Variants in CYLD observed in about 807,000 individuals in gnomAD.
CYLD encodes CYLD lysine 63 deubiquitinase, also known as ubiquitin carboxyl-terminal hydrolase CYLD.
In CYLD, 26 loss-of-function variants were observed where a neutral mutation model predicts 104.5. The ratio of observed to expected loss-of-function variants is 0.25; its 90% CI spans 0.18 to 0.35. CYLD has a LOEUF of 0.35. CYLD is among the 10% of genes least tolerant of loss of function. The probability of loss-of-function intolerance (pLI) is 1.00; values close to 1 mark genes in which losing one functional copy is unlikely to be tolerated. For synonymous variants in CYLD, 385 were observed against 399.9 expected (o/e 0.96, Z 0.45); for missense variants, 703 against 1,136.1 (o/e 0.62, Z 5.48).
rs1289227154 is a variant in CYLD, at chr16:50,796,799, T to C, written c.*291T>C. On this transcript the variant is annotated 3_prime_UTR_variant, in exon 19 of 19. Transcript: ENST00000427738. ...TAAGTGCATTGATCATATGATATTT[T>C]TGGAAGCATACAATTTTAATTGTGG... The C allele has an allele frequency of 7.2e-6, 3 of 414,130 alleles. No individual in the cohort carries two copies. The highest frequency in any genetic ancestry group is 1.3e-5 in the Non-Finnish European group (3 of 224,018). The allele number at this position is 414,130 out of a possible 1,614,324, so 25.7% of individuals were successfully genotyped here. A position where few individuals can be genotyped will look rare whatever the true frequency, so the allele number is the denominator to read the frequency against.
At chr16:50,793,266 T>C (rs558612110) in intron 16 of CYLD, among the ~76,000 whole-genome samples, 220 of 152,332 alleles carry the variant, frequency 1.4e-3, no homozygotes, top group Middle Eastern at 6.8e-3. Context: ...TTCTCCATTA[T>C]ACTTTCTTGT....
At position 50,749,517 on chromosome 16, in the gene CYLD, A is replaced by G. The variant is rs7187352; in HGVS notation, c.-123-59A>G. 0.019 allele frequency: 11,689 copies of G among 622,130 alleles called. 911 individuals are homozygous for G. The highest frequency in any genetic ancestry group is 0.18 in the African/African-American group (9,831 of 54,310). The allele number at this position is 622,130 out of a possible 1,614,324, so 38.5% of individuals were successfully genotyped here. A position where few individuals can be genotyped will look rare whatever the true frequency, so the allele number is the denominator to read the frequency against. ...TCTTAATTTTCAGTCATGTAGAATG[A>G]AGTCTAAAGTTTATTTTTGCTTTTT... On this transcript the variant is annotated intron_variant, in intron 2 of 18. Coordinates refer to ENST00000427738, the MANE Select transcript of CYLD (RefSeq NM_001378743.1).
At chr16:50,776,360 C>A in intron 7 of CYLD, 83 bp downstream of exon 7, 1 of 988,862 alleles carries the variant, frequency 1.0e-6, no homozygotes, top group Non-Finnish European at 1.6e-6. Context: ...TAAGCTATTA[C>A]TTCTGAACAT....
chr16:50,765,456 C>T (rs1439836476), intron 5 of CYLD, among the ~76,000 whole-genome samples: 1 of 152,160 alleles, frequency 6.6e-6, no homozygotes, highest in Non-Finnish European at 1.5e-5. Context: ...CTCCTTGGGC[C>T]TCCCTATTTC....
intron 5 of CYLD, among the ~76,000 whole-genome samples, chr16:50,760,350 A>T (rs188185389): frequency 1.6e-4 from 24 of 152,162 alleles, no homozygotes; most frequent in Admixed American, 1.5e-3. Flanking sequence ...TCATTCATGT[A>T]TCTCAAATCA....
At position 50,796,586 on chromosome 16, in the gene CYLD, C is replaced by T. The variant is rs1972070786; in HGVS notation, c.*78C>T. 1 of 1,446,480 alleles carries T rather than the reference C, an allele frequency of 6.9e-7. No individual in the cohort carries two copies. The allele number at this position is 1,446,480 out of a possible 1,614,324, so 89.6% of individuals were successfully genotyped here. On this transcript the variant is annotated 3_prime_UTR_variant, in exon 19 of 19. Coordinates refer to ENST00000427738, the MANE Select transcript of CYLD (RefSeq NM_001378743.1). The stretch of plus-strand genomic sequence containing the variant: ...TCTTATTCGAGCTGGCAGTTCTGTT[C>T]ACGTCCATTGCCGGCAATGGATGTC...
rs536028311 is a variant in CYLD at position 50,801,515 on chromosome 16, A to T, written c.*5007A>T. On this transcript the variant is annotated 3_prime_UTR_variant, in exon 19 of 19. Coordinates refer to ENST00000427738, the MANE Select transcript of CYLD (RefSeq NM_001378743.1). ...ACTTAAAAAATTCTAGAGGGATTAT[A>T]TTGGAGACTCAACTGCCCTTGGTTT... The T allele has an allele frequency of 2.1e-5, 5 of 233,846 alleles. No homozygotes were observed. In the East Asian group the frequency reaches 3.0e-4, roughly 14 times the overall value. The allele number at this position is 233,846 out of a possible 1,614,324, so 14.5% of individuals were successfully genotyped here.
intron 5 of CYLD, among the ~76,000 whole-genome samples, chr16:50,761,070 G>A (rs575982395): frequency 3.9e-5 from 6 of 152,206 alleles, no homozygotes; most frequent in East Asian, 1.9e-4. Flanking sequence ...ATATGATTAA[G>A]GGCAATTTTT....
intron 11 of CYLD, 54 bp downstream of exon 11, chr16:50,782,520 A>C: frequency 6.3e-7 from 1 of 1,586,650 alleles, no homozygotes; most frequent in Non-Finnish European, 8.7e-7. Context: ...GCAGGGACAC[A>C]TACCGGTGTG....
chr16:50,754,128 G>T (rs1297644063), intron 4 of CYLD, among the ~76,000 whole-genome samples, 191 bp from the exon 5 acceptor site: 1 of 152,054 alleles, frequency 6.6e-6, no homozygotes, highest in Non-Finnish European at 1.5e-5. Context: ...AGAAAAAAAT[G>T]AACAAACCAA....
At chr16:50,777,706 C>T (rs1969825529) in intron 7 of CYLD, 119 bp from the exon 8 acceptor site, 3 of 671,074 alleles carry the variant, frequency 4.5e-6, no homozygotes, top group Non-Finnish European at 8.1e-6. Context: ...TGTTTATATA[C>T]ATTTATTGGT....
chr16:50,787,403 A>G (rs1457334448), intron 13 of CYLD: 2 of 268,164 alleles, frequency 7.5e-6, no homozygotes, highest in East Asian at 1.9e-4. Flanking sequence ...TCACCACCTG[A>G]CTTTGAATTT....
chr16:50,780,622 T>C (rs1970127737), intron 9 of CYLD, among the ~76,000 whole-genome samples: 1 of 152,138 alleles, frequency 6.6e-6, no homozygotes, highest in African/African-American at 2.4e-5. Context: ...GGGCTCAAGC[T>C]ATTCTCCTGC....
chr16:50,754,408 C>T lies in CYLD; in HGVS notation c.897C>T (p.Ile299=). The T allele has an allele frequency of 6.2e-7, 1 of 1,605,106 alleles. No individual in the cohort carries two copies. The highest frequency in any genetic ancestry group is 8.5e-7 in the Non-Finnish European group (1 of 1,172,336). The change falls in exon 5 of 19, where the codon ATC becomes ATT. Residue 299 remains isoleucine, a synonymous_variant. Coordinates refer to ENST00000427738, the MANE Select transcript of CYLD (RefSeq NM_001378743.1). ...TTGAAAGTACAATTCTATTGCACAT[C>T]AATGATATCATCCCAGGTATGTTTT... is the stretch of plus-strand genomic sequence containing the variant. ...ACVESTILLH[I]NDIIPALSES... is the part of the protein sequence containing the mutation.
rs545496168 is a variant in CYLD, at chr16:50,778,857, A to T, written c.1139-808A>T. ...TAGGATTCCTGTTTAATTTTTTTTT[A>T]AAAATATGGATAACCAATTATCTCA... On this transcript the variant is annotated intron_variant, in intron 8 of 18. Coordinates refer to ENST00000427738, the MANE Select transcript of CYLD (RefSeq NM_001378743.1). 2.1e-4 allele frequency among the ~76,000 whole-genome samples: 30 copies of T among 139,666 alleles called. No individual in the cohort carries two copies. In the South Asian group the frequency reaches 2.3e-3, roughly 11 times the overall value. The allele number at this position is 139,666 out of a possible 152,430, so 91.6% of individuals were successfully genotyped here.
At chr16:50,779,537 A>C in intron 8 of CYLD, 128 bp from the exon 9 acceptor site, 1 of 807,746 alleles carries the variant, frequency 1.2e-6, no homozygotes, top group Non-Finnish European at 2.0e-6. Context: ...TGTGATGCCT[A>C]TGAGAGTACT....
intron 5 of CYLD, among the ~76,000 whole-genome samples, chr16:50,768,723 C>T (rs1029158899): frequency 5.9e-5 from 9 of 152,244 alleles, no homozygotes; most frequent in East Asian, 1.9e-4. Context: ...TTATACATTT[C>T]GGTTTTTCTA....
At chr16:50,762,114 C>G (rs1045319862) in intron 5 of CYLD, among the ~76,000 whole-genome samples, 1 of 152,282 alleles carries the variant, frequency 6.6e-6, no homozygotes, top group Non-Finnish European at 1.5e-5. Context: ...ACATCCATCA[C>G]TGGAGCAATG....
Position 50,794,571 on chromosome 16 carries a change from G to A in CYLD, c.2686+143G>A, listed in dbSNP as rs1971792519. The A allele has an allele frequency of 1.2e-6, 1 of 821,294 alleles. No homozygotes were observed. The highest frequency in any genetic ancestry group is 2.1e-6 in the Non-Finnish European group (1 of 482,048). 50.9% of individuals were successfully genotyped at this position (821,294 alleles called of 1,614,324 possible). ...TCTGGTGACAACAGTCTTATATCTT[G>A]GATTGCATTAACAACCTTGCTAGCT... On this transcript the variant is annotated intron_variant, in intron 18 of 18. Transcript: ENST00000427738. The surrounding 1 kb of genome is among the most constrained non-coding windows in gnomAD (Gnocchi z 4.1).
Sources: gnomAD v4.1 joint callset for allele counts (sites outside exome capture counted in the v4.1 genomes callset) on GRCh38, gnomAD v4.1.1 for gene constraint, Gnocchi (gnomAD v3.1) non-coding constraint, MANE v1.5 for transcripts, NCBI Gene and HGNC (gene_info 2026-07-23, HGNC 2026-07-21) for gene names.